The following DAGLB variants were observed in gnomAD, a reference collection of about 807,000 sequenced individuals.
DAGLB encodes the protein diacylglycerol lipase-beta.
In DAGLB, 66 loss-of-function variants were observed where a neutral mutation model predicts 72.1. The ratio of observed to expected loss-of-function variants is 0.92; its 90% CI spans 0.75 to 1.12. DAGLB has a LOEUF of 1.12. DAGLB is among the 50% of genes most tolerant of loss of function. The pLI is 0.00. For missense variants in DAGLB, 1,065 were observed against 884.9 expected, an observed-to-expected ratio of 1.20 and a Z score of -2.58; for synonymous variants, 414 against 359.5, an observed-to-expected ratio of 1.15 and a Z score of -1.71.
intron 8 of DAGLB, among the ~76,000 whole-genome samples, chr7:6,424,457 G>C (rs1784237395): frequency 6.6e-6 from 1 of 152,138 alleles, no homozygotes; most frequent in Non-Finnish European, 1.5e-5. Flanking sequence ...GGCCTGGCTG[G>C]GCTCAGGGAA....
At chr7:6,438,935 T>G (rs1203604597) in intron 2 of DAGLB, among the ~76,000 whole-genome samples, 2 of 152,060 alleles carry the variant, frequency 1.3e-5, no homozygotes, top group African/African-American at 4.8e-5. Flanking sequence ...TAGAAAAAAT[T>G]TCTGGCCGGG....
At chr7:6,415,948 G>A (rs886367574) in intron 11 of DAGLB, among the ~76,000 whole-genome samples, 1 of 152,068 alleles carries the variant, frequency 6.6e-6, no homozygotes, top group Non-Finnish European at 1.5e-5. Context: ...AGAGGGCGGA[G>A]GGAGTGCTCA....
rs758361380 is a variant in DAGLB, at chr7:6,445,936, A to G, written c.247+17T>C. 49 of 1,573,204 alleles carry G rather than the reference A, an allele frequency of 3.1e-5. 1 individual carries two copies. The Middle Eastern group carries it at 6.8e-4, about 22-fold the overall frequency. ...CTATAAAAAAATAGGTATCAAATAGAAAAGGCTACTTTTTACCTCTCATGC... is the reference window on the plus strand; with the variant it reads ...CTATAAAAAAATAGGTATCAAATAGGAAAGGCTACTTTTTACCTCTCATGC... On this transcript the variant is annotated intron_variant, in intron 2 of 14. Coordinates refer to ENST00000297056, the MANE Select transcript of DAGLB (RefSeq NM_139179.4).
At chr7:6,411,545 T>G (rs905370572) in intron 13 of DAGLB, among the ~76,000 whole-genome samples, 3 of 152,138 alleles carry the variant, frequency 2.0e-5, no homozygotes, top group African/African-American at 7.2e-5. Context: ...GAGGATCAGT[T>G]GAACTTGGGA....
chr7:6,419,681 T>A (rs1784044328), intron 9 of DAGLB, among the ~76,000 whole-genome samples: 1 of 152,178 alleles, frequency 6.6e-6, no homozygotes, highest in Non-Finnish European at 1.5e-5. Context: ...AAGCCGCGGA[T>A]CCTCAGCTTG....
At chr7:6,429,718 T>C (rs1583293616) in intron 6 of DAGLB, among the ~76,000 whole-genome samples, 3 of 151,538 alleles carry the variant, frequency 2.0e-5, no homozygotes, top group East Asian at 1.9e-4. Context: ...CTGGCCAACA[T>C]AGTGAAACCC....
At chr7:6,430,388 T>G in intron 6 of DAGLB, 92 bp downstream of exon 6, 12 of 1,361,592 alleles carry the variant, frequency 8.8e-6, no homozygotes, top group Non-Finnish European at 1.1e-5. Flanking sequence ...GGGAGTTCTT[T>G]GCACTGTTCT....
intron 11 of DAGLB, among the ~76,000 whole-genome samples, chr7:6,414,547 T>C (rs1210021117): frequency 6.6e-6 from 1 of 151,692 alleles, no homozygotes; most frequent in Non-Finnish European, 1.5e-5. Context: ...GTGATCCTCC[T>C]GCCTCAGCCT....
At chr7:6,410,878 GT>G (rs1783700500) in intron 13 of DAGLB, among the ~76,000 whole-genome samples, 2 of 112,776 alleles carry the variant, frequency 1.8e-5, no homozygotes, top group South Asian at 2.9e-4. Context: ...CTAATTTTTT[GT>G]ATTTTTTTTT....
intron 6 of DAGLB, among the ~76,000 whole-genome samples, chr7:6,429,046 C>G (rs1005927152): frequency 6.6e-6 from 1 of 151,950 alleles, no homozygotes; most frequent in African/African-American, 2.4e-5. Context: ...TCAAGTGATC[C>G]GCTGGCCTCG....
At chr7:6,432,134 T>C (rs930061465) in intron 5 of DAGLB, among the ~76,000 whole-genome samples, 2 of 151,476 alleles carry the variant, frequency 1.3e-5, no homozygotes, top group Non-Finnish European at 2.9e-5. Flanking sequence ...GCAGATTACC[T>C]GAGGTCATGA....
At chr7:6,417,847 A>C (rs1200382029) in intron 9 of DAGLB, 2 of 152,346 alleles carry the variant, frequency 1.3e-5, no homozygotes, top group East Asian at 3.9e-4. Context: ...TTCAAAAAGT[A>C]AATAAAATTT....
At chr7:6,434,621 A>T in intron 4 of DAGLB, 141 bp downstream of exon 4, 1 of 1,373,240 alleles carries the variant, frequency 7.3e-7, no homozygotes, top group Non-Finnish European at 1.0e-6. Context: ...CTCATCACAG[A>T]CAGAGGGTCT....
At chr7:6,432,994 C>G in intron 4 of DAGLB, 35 bp from the exon 5 acceptor site, 1 of 1,602,310 alleles carries the variant, frequency 6.2e-7, no homozygotes, top group Non-Finnish European at 8.5e-7. Context: ...GTCATAAAAC[C>G]CAGCAGGCAC....
chr7:6,446,371 G>C (rs866006845), intron 1 of DAGLB, among the ~76,000 whole-genome samples: 2 of 145,268 alleles, frequency 1.4e-5, no homozygotes, highest in African/African-American at 2.5e-5. Context: ...CCAGCTACTC[G>C]AGAGGCTGAG....
rs187017134 is a variant in DAGLB, at chr7:6,423,808, C to A, written c.1140+944G>T. On this transcript the variant is annotated intron_variant, in intron 8 of 14. Transcript: ENST00000297056. Reference sequence around the variant, plus strand: ...TTCACCATGTTGGACAGGATGGTGTCGATCTCTTGACCTTGTGATCCACCC... The same window carrying A: ...TTCACCATGTTGGACAGGATGGTGTAGATCTCTTGACCTTGTGATCCACCC... Among the ~76,000 whole-genome samples the A allele has an allele frequency of 5.3e-5, 8 of 151,734 alleles. No individual in the cohort carries two copies. In the East Asian group the frequency reaches 1.4e-3, roughly 26 times the overall value.
chr7:6,444,610 A>G (rs1784938041), intron 2 of DAGLB, among the ~76,000 whole-genome samples: 1 of 152,120 alleles, frequency 6.6e-6, no homozygotes, highest in Non-Finnish European at 1.5e-5. Context: ...TCAAAAAATA[A>G]AAATAAAAAA....
chr7:6,433,303 T>A lies in DAGLB; in HGVS notation c.679-344A>T, dbSNP rs143344209. Among the ~76,000 whole-genome samples, 1,281 of 152,278 alleles carry A rather than the reference T, an allele frequency of 8.4e-3. 23 individuals carry two copies. Among genetic ancestry groups the A allele is most frequent in the African/African-American group, 0.03 (1,227 of 41,548 alleles). On this transcript the variant is annotated intron_variant, in intron 4 of 14. Coordinates refer to ENST00000297056, the MANE Select transcript of DAGLB (RefSeq NM_139179.4). ...TGTCCGTTTTTGTAGCAATGCACCA[T>A]TTTAGCCCACGTTTATACTCTCATT...
intron 6 of DAGLB, among the ~76,000 whole-genome samples, 195 bp downstream of exon 6, chr7:6,430,285 A>ATATATATATATATATATATGG (rs1784444801): frequency 1.0e-5 from 1 of 98,422 alleles, no homozygotes; most frequent in Non-Finnish European, 2.0e-5. Flanking sequence ...ATATATATGC[A>ATATATATATATATATATATGG]GGGGGGAGGG....
Sources: allele counts gnomAD v4.1 joint callset (sites outside exome capture counted in the v4.1 genomes callset), GRCh38; gene constraint gnomAD v4.1.1; transcripts MANE v1.5; gene names NCBI Gene and HGNC (gene_info 2026-07-23, HGNC 2026-07-21).